DAGLB: variants seen among roughly 807,000 people sequenced by gnomAD.
The protein encoded by DAGLB is diacylglycerol lipase-beta.
Under a neutral mutation model 72.1 loss-of-function variants are expected in DAGLB, and 66 were observed. The ratio of observed to expected loss-of-function variants is 0.92; its 90% CI spans 0.75 to 1.12. The LOEUF (loss-of-function observed/expected upper bound fraction) is 1.12. Among genes scored for constraint, DAGLB ranks in the 50% most tolerant of loss-of-function variants. The pLI, the probability that DAGLB is intolerant of heterozygous loss-of-function variation, is 0.00. For synonymous variants in DAGLB, 414 were observed against 359.5 expected (o/e 1.15, Z -1.71); for missense variants, 1,065 against 884.9 (o/e 1.20, Z -2.58).
At chr7:6,412,637 C>G in intron 13 of DAGLB, 174 bp downstream of exon 13, 1 of 718,036 alleles carries the variant, frequency 1.4e-6, no homozygotes, top group South Asian at 1.8e-5. Flanking sequence ...CAGCCATTTG[C>G]TTTCTTAGAC....
chr7:6,411,164 G>A (rs1231326463), intron 13 of DAGLB, among the ~76,000 whole-genome samples: 3 of 151,872 alleles, frequency 2.0e-5, no homozygotes, highest in East Asian at 3.9e-4. Flanking sequence ...GAGCCACCGC[G>A]CCCGGCCTAA....
rs779525101 is a variant in DAGLB at position 6,409,740 on chromosome 7, C to G, written c.*97G>C. ...CATCCGATTCCTGTTGATGGACATTCGCTGTTTTGGCGTCATGGGAACTCC... is the reference window on the plus strand; with the variant it reads ...CATCCGATTCCTGTTGATGGACATTGGCTGTTTTGGCGTCATGGGAACTCC... On this transcript the variant is annotated 3_prime_UTR_variant, in exon 15 of 15. Transcript: ENST00000297056. 12 of 1,340,398 alleles carry G rather than the reference C, an allele frequency of 9.0e-6. No homozygotes were observed. The highest frequency in any genetic ancestry group is 1.2e-5 in the Non-Finnish European group (12 of 984,234). The allele number at this position is 1,340,398 out of a possible 1,614,324, so 83.0% of individuals were successfully genotyped here.
chr7:6,439,726 G>C (rs1320937354), intron 2 of DAGLB, among the ~76,000 whole-genome samples: 1 of 152,160 alleles, frequency 6.6e-6, no homozygotes, highest in Non-Finnish European at 1.5e-5. Flanking sequence ...AGGTGCAACA[G>C]TGGGATTTCA....
chr7:6,428,399 C>G (rs1281508168), intron 6 of DAGLB, among the ~76,000 whole-genome samples: 2 of 150,298 alleles, frequency 1.3e-5, no homozygotes, highest in African/African-American at 4.9e-5. Context: ...GTGATTCAGA[C>G]AAGAATCAAT....
At chr7:6,420,585 T>C (rs1326734252) in intron 9 of DAGLB, among the ~76,000 whole-genome samples, 1 of 151,688 alleles carries the variant, frequency 6.6e-6, no homozygotes, top group African/African-American at 2.4e-5. Flanking sequence ...GAAGCGGAAG[T>C]GAGTGGTGAT....
At chr7:6,445,907 A>G (rs1784984473) in intron 2 of DAGLB, 46 bp downstream of exon 2, 1 of 1,531,414 alleles carries the variant, frequency 6.5e-7, no homozygotes, top group African/African-American at 1.4e-5. Flanking sequence ...ATATCTCAAT[A>G]AAGCTATAAA....
At chr7:6,416,436 G>A (rs989976357) in intron 11 of DAGLB, 191 bp downstream of exon 11, 38 of 696,590 alleles carry the variant, frequency 5.5e-5, no homozygotes, top group Middle Eastern at 4.4e-4. Flanking sequence ...CCAGCAACTC[G>A]GGAGGCTGAG....
intron 2 of DAGLB, among the ~76,000 whole-genome samples, chr7:6,437,951 C>T (rs1784715363): frequency 6.6e-6 from 1 of 152,132 alleles, no homozygotes; most frequent in Admixed American, 6.6e-5. Flanking sequence ...CAGGAAATAG[C>T]TTTTAAATTC....
At chr7:6,410,085 C>A (rs146258893) in intron 14 of DAGLB, 45 bp downstream of exon 14, 12 of 1,586,126 alleles carry the variant, frequency 7.6e-6, no homozygotes, top group African/African-American at 1.3e-5. Context: ...GGGCTGACCC[C>A]GCGCTGCTCC....
Position 6,434,900 on chromosome 7 carries a change from C to A in DAGLB, c.540G>T (p.Gln180His), listed in dbSNP as rs1349847632. 6.2e-7 allele frequency: 1 copy of A among 1,614,204 alleles called. No individual in the cohort carries two copies. Among genetic ancestry groups the A allele is most frequent in the African/African-American group, 1.3e-5 (1 of 75,058 alleles). Residue 180 changes from glutamine (Q) to histidine (H), a missense_variant, in exon 4 of 15, where the codon CAG becomes CAT. By Grantham distance (24) the Gln-to-His change is conservative. Transcript: ENST00000297056. ...PSHLDSHDSS[Q>H]LLNGLKTAAT... Reference sequence around the variant, plus strand: ...CTGCTGTCTTGAGGCCATTAAGTAACTGGCTTGAATCATGACTATCCAGGT... The same window carrying A: ...CTGCTGTCTTGAGGCCATTAAGTAAATGGCTTGAATCATGACTATCCAGGT...
intron 1 of DAGLB, 150 bp downstream of exon 1, chr7:6,447,598 G>T: frequency 8.9e-7 from 1 of 1,125,122 alleles, no homozygotes; most frequent in East Asian, 2.8e-5. Flanking sequence ...ACCTCTTCGG[G>T]CAGTGGTGAG....
chr7:6,441,160 G>C (rs1246679698), intron 2 of DAGLB, among the ~76,000 whole-genome samples: 2 of 149,182 alleles, frequency 1.3e-5, no homozygotes, highest in African/African-American at 5.0e-5. Flanking sequence ...GCGCGATCTC[G>C]GCTCACTGCA....
Position 6,434,790 on chromosome 7 carries a change from G to A in DAGLB, c.650C>T (p.Thr217Met), listed in dbSNP as rs779247461. The change falls in exon 4 of 15, where the codon ACG (threonine) becomes ATG (methionine). Residue 217 changes from threonine to methionine, a missense_variant. Transcript: ENST00000297056. Reference sequence around the variant, plus strand: ...AAAGTAGGTTGAGAAAAGCTCTGCCGTACTCGAAAAAGCAACCCGAGTATG... The same window carrying A: ...AAAGTAGGTTGAGAAAAGCTCTGCCATACTCGAAAAAGCAACCCGAGTATG... ...DDHTRVAFSS[T>M]AELFSTYFSD... The A allele has an allele frequency of 4.3e-6, 7 of 1,614,050 alleles. No homozygotes were observed. Among genetic ancestry groups the A allele is most frequent in the South Asian group, 3.3e-5 (3 of 91,090 alleles).
intron 7 of DAGLB, among the ~76,000 whole-genome samples, chr7:6,425,503 C>T (rs1236762516): frequency 6.6e-6 from 1 of 152,086 alleles, no homozygotes; most frequent in East Asian, 1.9e-4. Context: ...AACTCCTGAC[C>T]TTATGATCCA....
intron 11 of DAGLB, among the ~76,000 whole-genome samples, chr7:6,414,389 G>T (rs836499): frequency 0.6 from 89,793 of 150,500 alleles, 29,401 homozygotes; most frequent in East Asian, 0.91. Flanking sequence ...CTCGGCTCAC[G>T]GCAACCTCTT....
chr7:6,412,660 T>TAG, intron 13 of DAGLB, 151 bp downstream of exon 13: 2 of 868,328 alleles, frequency 2.3e-6, no homozygotes, highest in Non-Finnish European at 3.6e-6. Flanking sequence ...CACAGAGTCC[T>TAG]AGCCCAGAAT....
chr7:6,412,688 G>A (rs1783768050), intron 13 of DAGLB, 123 bp downstream of exon 13: 1 of 1,112,822 alleles, frequency 9.0e-7, no homozygotes, highest in Non-Finnish European at 1.3e-6. Flanking sequence ...GATGGTGGAA[G>A]GAGAACTTCC....
At chr7:6,410,838 C>T (rs1034431493) in intron 13 of DAGLB, among the ~76,000 whole-genome samples, 9 of 151,522 alleles carry the variant, frequency 5.9e-5, no homozygotes, top group East Asian at 3.9e-4. Flanking sequence ...CTGAGTAGCT[C>T]GGCTTACAGG....
rs748083947 is a variant in DAGLB at position 6,410,342 on chromosome 7, A to G, written c.1608T>C (p.Phe536=). 5.0e-6 allele frequency: 8 copies of G among 1,613,874 alleles called. No individual in the cohort carries two copies. The African/African-American group carries it at 1.1e-4, about 22-fold the overall frequency. The change falls in exon 14 of 15, where the codon TTT becomes TTC. Residue 536 remains phenylalanine, a synonymous_variant. Coordinates refer to ENST00000297056, the MANE Select transcript of DAGLB (RefSeq NM_139179.4). ...ILLHGLWYEL[F]GGNPNNLPTE... ...TGGGCAAGTTGTTGGGGTTTCCTCC[A>G]AACAGTTCGTACCACAAACCGTGCA...
Sources: gnomAD v4.1 joint callset for allele counts (sites outside exome capture counted in the v4.1 genomes callset) on GRCh38, gnomAD v4.1.1 for gene constraint, MANE v1.5 for transcripts, NCBI Gene and HGNC (gene_info 2026-07-23, HGNC 2026-07-21) for gene names.